The following WWOX variants were observed in gnomAD, a reference collection of about 807,000 sequenced individuals.
WWOX encodes WW domain containing oxidoreductase, also known as WW domain-containing oxidoreductase.
A neutral mutation model predicts 46.2 loss-of-function variants in WWOX; 69 were observed. The observed-to-expected ratio is 1.49, with a 90% confidence interval of 1.23 to 1.82. The LOEUF is 1.82. WWOX is among the 40% of genes most tolerant of loss of function. The probability of loss-of-function intolerance (pLI) is 0.00; values close to 1 mark genes in which losing one functional copy is unlikely to be tolerated. For missense variants in WWOX, 919 were observed against 542.6 expected, an observed-to-expected ratio of 1.69 and a Z score of -6.89; for synonymous variants, 359 against 202.6, an observed-to-expected ratio of 1.77 and a Z score of -6.56.
At chr16:78,446,987 G>A (rs1306735128) in intron 8 of WWOX, among the ~76,000 whole-genome samples, 3 of 152,102 alleles carry the variant, frequency 2.0e-5, no homozygotes, top group African/African-American at 7.2e-5. Context: ...ATTATGCTGT[G>A]CCCTGTGCTT....
At chr16:78,597,573 A>G (rs893497316) in intron 8 of WWOX, among the ~76,000 whole-genome samples, 5 of 152,158 alleles carry the variant, frequency 3.3e-5, no homozygotes, top group Non-Finnish European at 7.4e-5. Flanking sequence ...AAAAGCCAGG[A>G]CTTAGATTTT....
intron 8 of WWOX, among the ~76,000 whole-genome samples, chr16:78,637,693 C>G (rs533667806): frequency 2.0e-5 from 3 of 152,272 alleles, no homozygotes; most frequent in Non-Finnish European, 2.9e-5. Context: ...CAGAGCTAAG[C>G]GCGGAGTAGG....
chr16:78,116,760 A>C (rs1223910825), intron 4 of WWOX, among the ~76,000 whole-genome samples: 1 of 152,234 alleles, frequency 6.6e-6, no homozygotes, highest in Non-Finnish European at 1.5e-5. Context: ...AGGGCTTAAA[A>C]ATGTCTTTTT....
intron 5 of WWOX, among the ~76,000 whole-genome samples, chr16:78,233,806 C>T (rs1307935838): frequency 6.6e-6 from 1 of 152,106 alleles, no homozygotes; most frequent in Non-Finnish European, 1.5e-5. Context: ...GGATTACAGG[C>T]GTGAGCCACC....
intron 5 of WWOX, among the ~76,000 whole-genome samples, chr16:78,296,502 A>G (rs1224952052): frequency 6.6e-6 from 1 of 150,472 alleles, no homozygotes; most frequent in Non-Finnish European, 1.5e-5. Flanking sequence ...GAATTCATAT[A>G]TATATGTATA....
At chr16:78,903,585 G>T (rs11150112) in intron 8 of WWOX, among the ~76,000 whole-genome samples, 122 of 152,134 alleles carry the variant, frequency 8.0e-4, no homozygotes, top group African/African-American at 2.8e-3. Context: ...TTACTTAGGC[G>T]TGGAAAGTTA....
chr16:78,565,709 C>T (rs2044548204), intron 8 of WWOX, among the ~76,000 whole-genome samples: 3 of 152,122 alleles, frequency 2.0e-5, no homozygotes, highest in Non-Finnish European at 4.4e-5. Context: ...CTACCACAAC[C>T]ACTAATTCTG....
chr16:78,698,665 A>G (rs1214934190), intron 8 of WWOX, among the ~76,000 whole-genome samples: 1 of 152,146 alleles, frequency 6.6e-6, no homozygotes, highest in African/African-American at 2.4e-5. Context: ...ATTTTGTTAT[A>G]TCCATATGAT....
chr16:78,432,265 C>T (rs573266916), intron 7 of WWOX, among the ~76,000 whole-genome samples: 2 of 151,976 alleles, frequency 1.3e-5, no homozygotes, highest in South Asian at 2.1e-4. Context: ...GCCACCACAC[C>T]TGGCTAATTT....
chr16:78,283,936 A>G (rs1567477621), intron 5 of WWOX, among the ~76,000 whole-genome samples: 1 of 152,358 alleles, frequency 6.6e-6, no homozygotes, highest in South Asian at 2.1e-4. Context: ...GCTCATTTGC[A>G]TTAATCTCAC....
At chr16:78,758,569 C>T (rs7188673) in intron 8 of WWOX, among the ~76,000 whole-genome samples, 6,131 of 152,248 alleles carry the variant, frequency 0.04, 374 homozygotes, top group African/African-American at 0.13. Context: ...ATTCCAAGTG[C>T]TACCTCTGCA....
intron 8 of WWOX, among the ~76,000 whole-genome samples, chr16:78,788,563 C>A (rs536778911): frequency 6.6e-6 from 1 of 152,180 alleles, no homozygotes; most frequent in Non-Finnish European, 1.5e-5. Context: ...GTTCCTGGAG[C>A]GTGGCTGCCT....
At chr16:78,782,394 A>G (rs1418175524) in intron 8 of WWOX, among the ~76,000 whole-genome samples, 3 of 152,072 alleles carry the variant, frequency 2.0e-5, no homozygotes, top group Admixed American at 6.6e-5. Context: ...CTTTCCCACA[A>G]TCTAGGAGAA....
chr16:79,192,789 C>T (rs1026630020), intron 8 of WWOX, among the ~76,000 whole-genome samples: 20 of 152,292 alleles, frequency 1.3e-4, no homozygotes, highest in African/African-American at 4.8e-4. Context: ...CCACCCATCC[C>T]GTTTCACATT....
rs527612131 is a variant in WWOX at position 78,964,858 on chromosome 16, G to C, written c.1057-246750G>C. On this transcript the variant is annotated intron_variant, in intron 8 of 8. Coordinates refer to ENST00000566780, the MANE Select transcript of WWOX (RefSeq NM_016373.4). ...GGTGCCCTGTGTCCCAGCCACTCCA[G>C]TCATGGCTGAAAGGGGCCAAGGTAT... Among the ~76,000 whole-genome samples the C allele has an allele frequency of 6.6e-5, 10 of 152,340 alleles. No homozygotes were observed. The South Asian group carries it at 1.9e-3, about 28-fold the overall frequency.
At chr16:78,758,790 G>A (rs1464665271) in intron 8 of WWOX, among the ~76,000 whole-genome samples, 2 of 152,020 alleles carry the variant, frequency 1.3e-5, no homozygotes, top group African/African-American at 4.8e-5. Flanking sequence ...ATGTATACAA[G>A]ACATTAGCAT....
intron 8 of WWOX, among the ~76,000 whole-genome samples, chr16:78,903,788 G>C (rs775168803): frequency 3.9e-5 from 6 of 152,184 alleles, no homozygotes; most frequent in African/African-American, 4.8e-5. Context: ...TTCCTTTCTA[G>C]CTCAATCATG....
At chr16:79,023,595 A>G (rs2550709) in intron 8 of WWOX, among the ~76,000 whole-genome samples, 177 of 152,164 alleles carry the variant, frequency 1.2e-3, no homozygotes, top group African/African-American at 4.0e-3. Flanking sequence ...AAAAGGAATG[A>G]CGTTTTGGTC....
At chr16:78,852,205 C>T (rs572536062) in intron 8 of WWOX, among the ~76,000 whole-genome samples, 1 of 152,198 alleles carries the variant, frequency 6.6e-6, no homozygotes, top group Non-Finnish European at 1.5e-5. Context: ...AGCCAGAGGT[C>T]AAGATGGCCT....
Sources: gnomAD v4.1 joint callset for allele counts (sites outside exome capture counted in the v4.1 genomes callset) on GRCh38, gnomAD v4.1.1 for gene constraint, MANE v1.5 for transcripts, NCBI Gene and HGNC (gene_info 2026-07-23, HGNC 2026-07-21) for gene names.